The following RORC variants were observed in gnomAD, a reference collection of about 807,000 sequenced individuals.
RORC encodes nuclear receptor ROR-gamma.
RORC carries 13 observed loss-of-function variants against 64.5 expected under a neutral mutation model. That is an observed-to-expected ratio of 0.20 (90% confidence interval 0.13 to 0.32). The LOEUF (loss-of-function observed/expected upper bound fraction) is 0.32. Ranked by LOEUF, RORC falls within the 10% of genes least tolerant of loss-of-function variation. The pLI, the probability that RORC is intolerant of heterozygous loss-of-function variation, is 1.00. For missense variants in RORC, 468 were observed against 669.5 expected (o/e 0.70, Z 3.32); for synonymous variants, 277 against 259.3 (o/e 1.07, Z -0.65).
In RORC at chr1:151,806,486, G is replaced by A. The variant is rs1396194974; in HGVS notation, c.*986C>T. On this transcript the variant is annotated 3_prime_UTR_variant, in exon 11 of 11. Transcript: ENST00000318247. The stretch of plus-strand genomic sequence containing the variant: ...GGTCTTCTAGTGGTAGAAGACAGCT[G>A]GAGCTGGGGTGGTATTTGGATCACC... 1 of 152,934 alleles carries A rather than the reference G, an allele frequency of 6.5e-6. No homozygotes were observed. Among genetic ancestry groups the A allele is most frequent in the African/African-American group, 2.4e-5 (1 of 41,450 alleles). 9.5% of individuals were successfully genotyped at this position (152,934 alleles called of 1,614,324 possible).
At chr1:151,819,452 C>T (rs1401290982) in intron 2 of RORC, among the ~76,000 whole-genome samples, 1 of 152,188 alleles carries the variant, frequency 6.6e-6, no homozygotes, top group South Asian at 2.1e-4. Context: ...GCCCTGTGGA[C>T]TCTGTTCTTG....
rs1415286174 is a variant in RORC, at chr1:151,830,224, T to C, written c.41-766A>G. ...ACCAGCCTGAAGAGGAAGGCCTCCC[T>C]TCTCTGCTGCTGCTGCGTGGCCGGG... is the stretch of plus-strand genomic sequence containing the variant. On this transcript the variant is annotated intron_variant, in intron 1 of 10. Coordinates refer to ENST00000318247, the MANE Select transcript of RORC (RefSeq NM_005060.4). This position sits in a 1 kb window ranked among gnomAD's most constrained non-coding sequence, Gnocchi z 4.0. Among the ~76,000 whole-genome samples, 2 of 152,062 alleles carry C rather than the reference T, an allele frequency of 1.3e-5. No individual in the cohort carries two copies. Among genetic ancestry groups the C allele is most frequent in the Non-Finnish European group, 2.9e-5 (2 of 67,994 alleles).
chr1:151,816,623 G>A, intron 4 of RORC, 41 bp downstream of exon 4: 1 of 1,570,970 alleles, frequency 6.4e-7, no homozygotes, highest in Non-Finnish European at 8.6e-7. Flanking sequence ...CCCCTCTGGA[G>A]ACACCAGGAA....
At chr1:151,825,400 C>G (rs758719959) in intron 2 of RORC, among the ~76,000 whole-genome samples, 1 of 152,258 alleles carries the variant, frequency 6.6e-6, no homozygotes, top group East Asian at 1.9e-4. Flanking sequence ...GAGGCCTGGA[C>G]GCGGGGATTC....
chr1:151,818,953 C>T (rs148119526), intron 2 of RORC, among the ~76,000 whole-genome samples: 8 of 152,230 alleles, frequency 5.3e-5, no homozygotes, highest in Non-Finnish European at 1.0e-4. Flanking sequence ...GAGTCAGAGG[C>T]AGTAGCTGAC....
intron 2 of RORC, among the ~76,000 whole-genome samples, chr1:151,817,689 C>T (rs951520637): frequency 3.3e-5 from 5 of 152,256 alleles, no homozygotes; most frequent in East Asian, 1.9e-4. Flanking sequence ...CTCCCTCCCT[C>T]GCTGGGGCTC....
intron 2 of RORC, among the ~76,000 whole-genome samples, chr1:151,828,836 A>G (rs1303689562): frequency 9.9e-5 from 15 of 151,996 alleles, no homozygotes; most frequent in African/African-American, 3.4e-4. Flanking sequence ...AAAATTAGCC[A>G]GGCGTGGTGG....
chr1:151,817,142 G>A (rs373945888), intron 3 of RORC, 53 bp downstream of exon 3: 208 of 1,156,774 alleles, frequency 1.8e-4, no homozygotes, highest in African/African-American at 3.3e-4. Context: ...GCGCGCGCGC[G>A]CGCTTGTGTA....
intron 2 of RORC, among the ~76,000 whole-genome samples, chr1:151,826,563 C>A (rs1020158943): frequency 6.6e-6 from 1 of 152,192 alleles, no homozygotes; most frequent in Non-Finnish European, 1.5e-5. Flanking sequence ...CTCCCATGCC[C>A]ACGCTCCTCC....
rs1553293049 is a variant in RORC at position 151,830,621 on chromosome 1, T to TACACACACACACACACACACAC, written c.40+1082_40+1103dup. Among the ~76,000 whole-genome samples, 274 of 57,174 alleles carry TACACACACACACACACACACAC rather than the reference T, an allele frequency of 4.8e-3. 4 individuals carry two copies. The highest frequency in any genetic ancestry group is 0.024 in the East Asian group (35 of 1,474). 37.5% of individuals were successfully genotyped at this position (57,174 alleles called of 152,430 possible). A position where few individuals can be genotyped will look rare whatever the true frequency, so the allele number is the denominator to read the frequency against. On this transcript the variant is annotated intron_variant, in intron 1 of 10. Transcript: ENST00000318247. The surrounding 1 kb of genome is among the most constrained non-coding windows in gnomAD (Gnocchi z 4.0). The stretch of plus-strand genomic sequence containing the variant: ...TGCTGTTCAGTCTTGACACCTGACA[T>TACACACACACACACACACACAC]ACACACACACACACACACACACACA...
chr1:151,821,012 A>G (rs1651974446), intron 2 of RORC, among the ~76,000 whole-genome samples: 2 of 152,152 alleles, frequency 1.3e-5, no homozygotes, highest in African/African-American at 4.8e-5. Flanking sequence ...AAGAAACTGA[A>G]TCTCCTCTGA....
intron 2 of RORC, chr1:151,825,973 C>T (rs1050291670): frequency 1.2e-6 from 2 of 1,612,120 alleles, no homozygotes; most frequent in Non-Finnish European, 8.5e-7. Flanking sequence ...GGCTCCCTGT[C>T]CTTCTCAGCA....
At chr1:151,827,396 T>G (rs1212424809) in intron 2 of RORC, among the ~76,000 whole-genome samples, 1 of 152,144 alleles carries the variant, frequency 6.6e-6, no homozygotes, top group East Asian at 1.9e-4. Context: ...GGGGGGTCCT[T>G]CTCAGGGGCC....
At chr1:151,831,109 T>A in intron 1 of RORC, 1 of 1,287,678 alleles carries the variant, frequency 7.8e-7, no homozygotes, top group Non-Finnish European at 1.0e-6. Flanking sequence ...CCTTCCCTGC[T>A]GATGGCCCAG....
rs1455294340 is a variant in RORC, at chr1:151,816,758, G to A, written c.204C>T (p.Thr68=). 4 of 1,589,356 alleles carry A rather than the reference G, an allele frequency of 2.5e-6. No individual in the cohort carries two copies. The East Asian group carries it at 6.8e-5, about 27-fold the overall frequency. ...GGTCGATGGGGCAGTTCTGCTGACG[G>A]GTGCAGGAGTAGGCCGCGTTACAGC... is the stretch of plus-strand genomic sequence containing the variant. The part of the protein sequence containing the change: ...SQRCNAAYSC[T]RQQNCPIDRT... The change falls in exon 4 of 11, where the codon ACC becomes ACT. Residue 68 remains threonine (T), a synonymous_variant. Transcript: ENST00000318247.
intron 3 of RORC, 28 bp downstream of exon 3, chr1:151,817,167 T>C: frequency 6.8e-7 from 1 of 1,464,040 alleles, no homozygotes; most frequent in Non-Finnish European, 9.6e-7. Flanking sequence ...CACGCACACA[T>C]GCATGCATAC....
At chr1:151,824,686 G>T (rs1652122158) in intron 2 of RORC, among the ~76,000 whole-genome samples, 7 of 152,318 alleles carry the variant, frequency 4.6e-5, no homozygotes, top group Admixed American at 2.0e-4. Flanking sequence ...CACCCTTGGG[G>T]ATGCCTGCCT....
chr1:151,824,586 G>A (rs1007753656), intron 2 of RORC, among the ~76,000 whole-genome samples: 2 of 152,170 alleles, frequency 1.3e-5, no homozygotes, highest in African/African-American at 4.8e-5. Context: ...TGCCTGCACT[G>A]TGGCCTCAGT....
intron 6 of RORC, 130 bp from the exon 7 acceptor site, chr1:151,813,750 A>G: frequency 9.6e-7 from 1 of 1,040,622 alleles, no homozygotes; most frequent in Non-Finnish European, 1.4e-6. Context: ...TAGCATTTTC[A>G]AAAGCCTGGT....
Sources: allele counts gnomAD v4.1 joint callset (sites outside exome capture counted in the v4.1 genomes callset), GRCh38; gene constraint gnomAD v4.1.1; non-coding constraint Gnocchi (gnomAD v3.1); transcripts MANE v1.5; gene names NCBI Gene and HGNC (gene_info 2026-07-23, HGNC 2026-07-21).